AKAP7: variants seen among roughly 807,000 people sequenced by gnomAD.
AKAP7 encodes the protein A kinase (PRKA) anchor protein 7.
Under a neutral mutation model 39.5 loss-of-function variants are expected in AKAP7, and 39 were observed. That is an observed-to-expected ratio of 0.99 (90% confidence interval 0.76 to 1.29). The LOEUF (loss-of-function observed/expected upper bound fraction) is 1.29. Among genes scored for constraint, AKAP7 ranks in the 50% most tolerant of loss-of-function variants. The pLI is 0.00. For missense variants in AKAP7, 414 were observed against 407.7 expected (o/e 1.02, Z -0.13); for synonymous variants, 140 against 139.1 (o/e 1.01, Z -0.05).
intron 7 of AKAP7, among the ~76,000 whole-genome samples, chr6:131,269,614 T>C (rs1814105948): frequency 6.6e-6 from 1 of 152,176 alleles, no homozygotes; most frequent in Admixed American, 6.5e-5. Context: ...ATGAGCACAG[T>C]GCCCCTCTGA....
At chr6:131,137,100 C>T (rs1800616387) in intron 1 of AKAP7, among the ~76,000 whole-genome samples, 2 of 151,902 alleles carry the variant, frequency 1.3e-5, no homozygotes, top group Admixed American at 6.6e-5. Context: ...GTAGCGGGGA[C>T]TACAGGTCTG....
chr6:131,141,901 T>TTCTTTC (rs202174852), intron 1 of AKAP7, among the ~76,000 whole-genome samples: 1 of 138,716 alleles, frequency 7.2e-6, no homozygotes. Context: ...CTTTCTTTCT[T>TTCTTTC]TTTTTTTTTT....
In AKAP7 at chr6:131,212,141, G is replaced by A. The variant is rs1029321959; in HGVS notation, c.703-7520G>A. Reference sequence around the variant, plus strand: ...TGAATGCATGTTGCTTTCACACGTCGTAAAGTTGAAATATCATATGTTGAA... The same window carrying A: ...TGAATGCATGTTGCTTTCACACGTCATAAAGTTGAAATATCATATGTTGAA... On this transcript the variant is annotated intron_variant, in intron 6 of 7. Coordinates refer to ENST00000431975, the MANE Select transcript of AKAP7 (RefSeq NM_016377.4). 7.2e-5 allele frequency among the ~76,000 whole-genome samples: 11 copies of A among 152,292 alleles called. No individual in the cohort carries two copies. In the East Asian group the frequency reaches 9.6e-4, roughly 13 times the overall value.
chr6:131,169,220 G>T lies in AKAP7; in HGVS notation c.536G>T (p.Gly179Val). 4 of 1,614,096 alleles carry T rather than the reference G, an allele frequency of 2.5e-6. No individual in the cohort carries two copies. Among genetic ancestry groups the T allele is most frequent in the Non-Finnish European group, 3.4e-6 (4 of 1,179,988 alleles). The part of the protein sequence containing the change: ...QGIGTFGNQV[G>V]FVKLAEGDHV... ...ATTGGTACTTTTGGAAATCAGGTTG[G>T]ATTTGTGAAGCTGGCAGAAGGAGAT... Residue 179 changes from glycine (G) to valine (V), a missense_variant, in exon 5 of 8, where the codon GGA becomes GTA. Transcript: ENST00000431975.
chr6:131,193,850 G>A (rs1346747817), intron 5 of AKAP7, among the ~76,000 whole-genome samples: 1 of 152,016 alleles, frequency 6.6e-6, no homozygotes. Context: ...GTTACTCGTA[G>A]CAGCCACTAA....
intron 6 of AKAP7, among the ~76,000 whole-genome samples, chr6:131,207,752 A>G (rs565565644): frequency 1.8e-4 from 27 of 152,130 alleles, no homozygotes; most frequent in African/African-American, 6.0e-4. Flanking sequence ...CAAGGGCTCT[A>G]CATTTTAAAG....
chr6:131,226,299 G>T (rs547837828), intron 7 of AKAP7, among the ~76,000 whole-genome samples: 56 of 152,258 alleles, frequency 3.7e-4, no homozygotes, highest in African/African-American at 1.3e-3. Context: ...CCTTTATGTG[G>T]AGCATTAGGA....
intron 2 of AKAP7, among the ~76,000 whole-genome samples, chr6:131,147,770 G>A (rs1486521145): frequency 1.3e-5 from 2 of 152,236 alleles, no homozygotes; most frequent in African/African-American, 4.8e-5. Context: ...CCTTGTTCCA[G>A]TCTCTGAATC....
At chr6:131,247,300 TATATATATATATATG>T (rs1259748548) in intron 7 of AKAP7, among the ~76,000 whole-genome samples, 29 of 125,904 alleles carry the variant, frequency 2.3e-4, no homozygotes, top group South Asian at 5.0e-4. Context: ...TATATATATA[TATATATATATATATG>T]TTTTTTTTTT....
chr6:131,173,989 T>C (rs1343958866), intron 5 of AKAP7, among the ~76,000 whole-genome samples: 1 of 152,234 alleles, frequency 6.6e-6, no homozygotes, highest in Non-Finnish European at 1.5e-5. Context: ...TTAATATGAA[T>C]ATAAGCCCGA....
intron 7 of AKAP7, among the ~76,000 whole-genome samples, chr6:131,249,461 C>T (rs1812273535): frequency 6.6e-6 from 1 of 152,062 alleles, no homozygotes; most frequent in Admixed American, 6.6e-5. Flanking sequence ...TTCAGAACCA[C>T]TTGAGGTGTT....
intron 5 of AKAP7, among the ~76,000 whole-genome samples, chr6:131,191,257 T>C (rs780284355): frequency 1.3e-5 from 2 of 152,230 alleles, no homozygotes; most frequent in Non-Finnish European, 2.9e-5. Context: ...TTTGTATGAT[T>C]CAGCCTAATA....
At chr6:131,172,175 A>G (rs1376274191) in intron 5 of AKAP7, among the ~76,000 whole-genome samples, 3 of 152,206 alleles carry the variant, frequency 2.0e-5, no homozygotes, top group African/African-American at 4.8e-5. Flanking sequence ...CCCTAGGTAC[A>G]TGATCAGTAT....
At chr6:131,219,564 T>A in intron 6 of AKAP7, 97 bp from the exon 7 acceptor site, 3 of 1,101,136 alleles carry the variant, frequency 2.7e-6, no homozygotes, top group Non-Finnish European at 3.9e-6. Flanking sequence ...TGTAACAATG[T>A]AGTAATGTAA....
At position 131,283,498 on chromosome 6, in the gene AKAP7, T is replaced by A. The variant is rs1562265582; in HGVS notation, c.*1772T>A. 6.6e-6 allele frequency: 1 copy of A among 152,258 alleles called. No individual in the cohort carries two copies. Among genetic ancestry groups the A allele is most frequent in the Admixed American group, 6.5e-5 (1 of 15,284 alleles). The allele number at this position is 152,258 out of a possible 1,614,324, so 9.4% of individuals were successfully genotyped here. A position where few individuals can be genotyped will look rare whatever the true frequency, so the allele number is the denominator to read the frequency against. On this transcript the variant is annotated 3_prime_UTR_variant, in exon 8 of 8. Transcript: ENST00000431975. ...TTTATTTACAAATGAGTTTATGCAT[T>A]TTCATGGCTCTTAATAAACATATTG...
chr6:131,252,049 G>T (rs754504546), intron 7 of AKAP7, among the ~76,000 whole-genome samples: 11 of 152,150 alleles, frequency 7.2e-5, no homozygotes, highest in Non-Finnish European at 1.3e-4. Flanking sequence ...CTCCTGCTCT[G>T]TTTCTCTTCT....
chr6:131,182,134 A>AG (rs1805321516), intron 5 of AKAP7, among the ~76,000 whole-genome samples: 1 of 152,048 alleles, frequency 6.6e-6, no homozygotes, highest in South Asian at 2.1e-4. Context: ...TGAAAAAAAA[A>AG]ATAATTTTTA....
chr6:131,282,118 C>T lies in AKAP7; in HGVS notation c.*392C>T, dbSNP rs928002563. 4.3e-6 allele frequency: 5 copies of T among 1,166,138 alleles called. No homozygotes were observed. Among genetic ancestry groups the T allele is most frequent in the Admixed American group, 8.4e-5 (2 of 23,672 alleles). The allele number at this position is 1,166,138 out of a possible 1,614,324, so 72.2% of individuals were successfully genotyped here. ...CTACTTTATCTGAGGCCAGAACTCTCACACACAGCTATCAAGTGCTAAGTT... is the reference window on the plus strand; with the variant it reads ...CTACTTTATCTGAGGCCAGAACTCTTACACACAGCTATCAAGTGCTAAGTT... On this transcript the variant is annotated 3_prime_UTR_variant, in exon 8 of 8. Coordinates refer to ENST00000431975, the MANE Select transcript of AKAP7 (RefSeq NM_016377.4).
At chr6:131,241,577 A>ATATGTG (rs1349874555) in intron 7 of AKAP7, among the ~76,000 whole-genome samples, 58 of 81,294 alleles carry the variant, frequency 7.1e-4, no homozygotes, top group Admixed American at 5.1e-3. Context: ...GATTATATAT[A>ATATGTG]TGTGTGTGTG....
Sources: gnomAD v4.1 joint callset for allele counts (sites outside exome capture counted in the v4.1 genomes callset) on GRCh38, gnomAD v4.1.1 for gene constraint, MANE v1.5 for transcripts, NCBI Gene and HGNC (gene_info 2026-07-23, HGNC 2026-07-21) for gene names.